FNDC3A: variants seen among roughly 807,000 people sequenced by gnomAD.
FNDC3A encodes the protein fibronectin type-III domain-containing protein 3A.
In FNDC3A, 32 loss-of-function variants were observed where a neutral mutation model predicts 148.9. The observed-to-expected ratio is 0.21, with a 90% CI of 0.16 to 0.29. The LOEUF (loss-of-function observed/expected upper bound fraction) is 0.29, where lower values mean the gene tolerates loss of function less well. Ranked by LOEUF, FNDC3A falls within the 10% of genes least tolerant of loss-of-function variation. The pLI, the probability that FNDC3A is intolerant of heterozygous loss-of-function variation, is 1.00. For synonymous variants in FNDC3A, 472 were observed against 473.6 expected, an observed-to-expected ratio of 1.00 and a Z score of 0.04; for missense variants, 1,191 against 1,452.8, an observed-to-expected ratio of 0.82 and a Z score of 2.93.
intron 13 of FNDC3A, among the ~76,000 whole-genome samples, chr13:49,177,345 T>C (rs1349003889): frequency 2.0e-5 from 3 of 152,204 alleles, no homozygotes; most frequent in Non-Finnish European, 4.4e-5. Flanking sequence ...CAGAAGATTT[T>C]AAAAGTTTCC....
At position 49,071,894 on chromosome 13, in the gene FNDC3A, C is replaced by T. The variant is rs548807961; in HGVS notation, c.100-3395C>T. On this transcript the variant is annotated intron_variant, in intron 2 of 25. Coordinates refer to ENST00000492622, the MANE Select transcript of FNDC3A (RefSeq NM_001079673.2). Reference sequence around the variant, plus strand: ...GTCTCACTATGTCGCCCAGGCTGGTCTCAAACTCCTGGGCTCAAGTGATTC... The same window carrying T: ...GTCTCACTATGTCGCCCAGGCTGGTTTCAAACTCCTGGGCTCAAGTGATTC... Among the ~76,000 whole-genome samples the T allele has an allele frequency of 7.9e-5, 12 of 152,216 alleles. No individual in the cohort carries two copies. The East Asian group carries it at 2.3e-3, about 29-fold the overall frequency.
chr13:49,096,946 C>T (rs574199621), intron 3 of FNDC3A, among the ~76,000 whole-genome samples: 6 of 152,176 alleles, frequency 3.9e-5, no homozygotes, highest in African/African-American at 1.2e-4. Flanking sequence ...GAAGGAACAG[C>T]ATGTGCAAAG....
At chr13:48,997,898 A>G (rs1303215339) in intron 1 of FNDC3A, among the ~76,000 whole-genome samples, 2 of 151,452 alleles carry the variant, frequency 1.3e-5, no homozygotes, top group Non-Finnish European at 2.9e-5. Context: ...AGGTGTGTGC[A>G]TTAAAAAAAA....
chr13:49,151,577 T>G (rs1291724264), intron 8 of FNDC3A, among the ~76,000 whole-genome samples: 6 of 152,222 alleles, frequency 3.9e-5, no homozygotes, highest in Non-Finnish European at 8.8e-5. Context: ...TCTTTTTGTT[T>G]TTTTTATTAT....
chr13:49,105,944 C>T (rs556090510), intron 3 of FNDC3A, among the ~76,000 whole-genome samples: 1 of 152,222 alleles, frequency 6.6e-6, no homozygotes, highest in South Asian at 2.1e-4. Flanking sequence ...TTATTTTACT[C>T]AAAGTAAAAG....
intron 3 of FNDC3A, among the ~76,000 whole-genome samples, chr13:49,083,235 A>G (rs1397976670): frequency 1.3e-5 from 2 of 152,156 alleles, no homozygotes; most frequent in Non-Finnish European, 2.9e-5. Context: ...GATGGTCTTT[A>G]TCTCACACCA....
intron 1 of FNDC3A, among the ~76,000 whole-genome samples, chr13:48,979,286 A>G (rs1202106438): frequency 6.6e-6 from 1 of 152,222 alleles, no homozygotes; most frequent in Non-Finnish European, 1.5e-5. Context: ...CTAGACTAAT[A>G]GTATCATTAG....
chr13:48,992,648 T>C (rs939390993), intron 1 of FNDC3A, among the ~76,000 whole-genome samples: 1 of 152,160 alleles, frequency 6.6e-6, no homozygotes, highest in Non-Finnish European at 1.5e-5. Flanking sequence ...GTTTCACAGG[T>C]GTATTTATGT....
At chr13:48,993,692 A>T (rs1008648429) in intron 1 of FNDC3A, among the ~76,000 whole-genome samples, 7 of 152,344 alleles carry the variant, frequency 4.6e-5, no homozygotes, top group Admixed American at 2.0e-4. Context: ...TGCATTTAAA[A>T]AAGATCGCTA....
chr13:49,059,174 T>C (rs1876474801), intron 2 of FNDC3A, among the ~76,000 whole-genome samples: 1 of 152,202 alleles, frequency 6.6e-6, no homozygotes, highest in South Asian at 2.1e-4. Flanking sequence ...TGCAAAACAA[T>C]GAAGTTGGGC....
intron 2 of FNDC3A, among the ~76,000 whole-genome samples, chr13:49,047,529 G>C (rs544942393): frequency 4.6e-5 from 7 of 152,146 alleles, no homozygotes; most frequent in African/African-American, 1.7e-4. Context: ...GTTTTAATTC[G>C]CATTTCTCTG....
chr13:49,162,009 A>T (rs1190036262), intron 8 of FNDC3A, among the ~76,000 whole-genome samples: 2 of 152,070 alleles, frequency 1.3e-5, no homozygotes, highest in East Asian at 3.9e-4. Context: ...TTTGTGGGTA[A>T]CCCGACCTTT....
chr13:49,012,506 G>C (rs184218234), intron 2 of FNDC3A, among the ~76,000 whole-genome samples: 33 of 152,094 alleles, frequency 2.2e-4, no homozygotes, highest in African/African-American at 6.3e-4. Context: ...TGGTATTCTT[G>C]GGCCTTTACA....
At chr13:49,089,664 A>C (rs1451070532) in intron 3 of FNDC3A, among the ~76,000 whole-genome samples, 1 of 152,182 alleles carries the variant, frequency 6.6e-6, no homozygotes, top group Non-Finnish European at 1.5e-5. Context: ...TCCTGCAATC[A>C]CAAAACTTAA....
At chr13:49,047,961 C>T (rs921474679) in intron 2 of FNDC3A, among the ~76,000 whole-genome samples, 8 of 152,064 alleles carry the variant, frequency 5.3e-5, no homozygotes, top group Non-Finnish European at 2.9e-5. Context: ...TTATCTTGAG[C>T]TGATTTCTGT....
intron 16 of FNDC3A, chr13:49,187,406 G>T: frequency 1.0e-6 from 1 of 976,134 alleles, no homozygotes; most frequent in Non-Finnish European, 1.6e-6. Flanking sequence ...ATGAGTTCAA[G>T]TTTGATCCAC....
chr13:49,108,934 A>C (rs979040642), intron 3 of FNDC3A, among the ~76,000 whole-genome samples: 2 of 152,202 alleles, frequency 1.3e-5, no homozygotes, highest in African/African-American at 2.4e-5. Context: ...ATATTTATTG[A>C]GACCTATTTC....
intron 8 of FNDC3A, 47 bp downstream of exon 8, chr13:49,145,982 T>C (rs1219369415): frequency 1.4e-6 from 2 of 1,452,954 alleles, no homozygotes; most frequent in East Asian, 4.6e-5. Context: ...AATTAATGGT[T>C]TATTATAAAG....
intron 4 of FNDC3A, among the ~76,000 whole-genome samples, chr13:49,119,109 A>T (rs1453203091): frequency 6.6e-6 from 1 of 152,172 alleles, no homozygotes; most frequent in Non-Finnish European, 1.5e-5. Flanking sequence ...GGAGAGCTCC[A>T]GCTGGCATCT....
Sources: gnomAD v4.1 joint callset for allele counts (sites outside exome capture counted in the v4.1 genomes callset) on GRCh38, gnomAD v4.1.1 for gene constraint, MANE v1.5 for transcripts, NCBI Gene and HGNC (gene_info 2026-07-23, HGNC 2026-07-21) for gene names.